GRID2: variants seen among roughly 807,000 people sequenced by gnomAD.
GRID2 encodes glutamate ionotropic receptor delta type subunit 2.
Under a neutral mutation model 114.8 loss-of-function variants are expected in GRID2, and 33 were observed. The ratio of observed to expected loss-of-function variants is 0.29; its 90% CI spans 0.22 to 0.38. The LOEUF is 0.38. GRID2 is among the 10% of genes least tolerant of loss of function. The probability of loss-of-function intolerance (pLI) is 1.00; values close to 1 mark genes in which losing one functional copy is unlikely to be tolerated. For synonymous variants in GRID2, 505 were observed against 449.9 expected (o/e 1.12, Z -1.55); for missense variants, 1,184 against 1,257.7 (o/e 0.94, Z 0.89).
At chr4:92,758,821 C>T (rs1376110004) in intron 2 of GRID2, among the ~76,000 whole-genome samples, 3 of 151,910 alleles carry the variant, frequency 2.0e-5, no homozygotes, top group African/African-American at 7.3e-5. Flanking sequence ...ACAGACTTAA[C>T]CTATTCTATA....
At chr4:92,826,012 G>C (rs548455119) in intron 2 of GRID2, among the ~76,000 whole-genome samples, 1 of 152,238 alleles carries the variant, frequency 6.6e-6, no homozygotes, top group African/African-American at 2.4e-5. Flanking sequence ...CAGCCAGAGT[G>C]ATCCTGTTAA....
chr4:93,259,524 CAAT>C (rs1305291952), intron 8 of GRID2, among the ~76,000 whole-genome samples: 1 of 151,578 alleles, frequency 6.6e-6, no homozygotes, highest in African/African-American at 2.4e-5. Context: ...TTTATACTGT[CAAT>C]AATTTAATAA....
intron 4 of GRID2, among the ~76,000 whole-genome samples, chr4:93,127,446 G>A (rs1560907676): frequency 6.6e-6 from 1 of 152,142 alleles, no homozygotes; most frequent in South Asian, 2.1e-4. Context: ...CTAATTGACA[G>A]CAAGAAATGA....
chr4:93,566,428 T>A (rs1735425168), intron 13 of GRID2, among the ~76,000 whole-genome samples: 1 of 152,092 alleles, frequency 6.6e-6, no homozygotes, highest in Admixed American at 6.6e-5. Flanking sequence ...TGTGTATATT[T>A]TGATTATGGT....
chr4:92,549,608 C>G (rs999028797), intron 1 of GRID2, among the ~76,000 whole-genome samples: 1 of 152,042 alleles, frequency 6.6e-6, no homozygotes, highest in Non-Finnish European at 1.5e-5. Context: ...TAGCCTGAGG[C>G]CTTTACAGAA....
intron 1 of GRID2, among the ~76,000 whole-genome samples, chr4:92,371,446 AC>A (rs1729111995): frequency 1.3e-5 from 2 of 152,142 alleles, no homozygotes; most frequent in South Asian, 4.1e-4. Flanking sequence ...ATGCTCATTC[AC>A]CATTCTGAAA....
intron 1 of GRID2, among the ~76,000 whole-genome samples, chr4:92,420,956 A>AT (rs1579330674): frequency 6.6e-6 from 1 of 152,190 alleles, no homozygotes; most frequent in East Asian, 1.9e-4. Flanking sequence ...AAGTTCTGGG[A>AT]TTATAGGCAT....
At chr4:92,609,890 G>T (rs895106877) in intron 2 of GRID2, among the ~76,000 whole-genome samples, 8 of 151,656 alleles carry the variant, frequency 5.3e-5, no homozygotes, top group African/African-American at 1.9e-4. Flanking sequence ...AAGAGAGCCA[G>T]TGTATCTGTT....
intron 2 of GRID2, among the ~76,000 whole-genome samples, chr4:92,977,393 A>T (rs373596887): frequency 1.3e-5 from 2 of 152,206 alleles, no homozygotes; most frequent in South Asian, 2.1e-4. Flanking sequence ...AAGAAAGAAC[A>T]TGGGGACTTC....
intron 13 of GRID2, among the ~76,000 whole-genome samples, chr4:93,538,950 A>G (rs1344454687): frequency 2.0e-5 from 3 of 151,828 alleles, no homozygotes; most frequent in Non-Finnish European, 4.4e-5. Context: ...TGTCCCATTG[A>G]TGGTTTCTCA....
intron 2 of GRID2, among the ~76,000 whole-genome samples, chr4:92,859,274 C>T (rs1454314869): frequency 1.3e-5 from 2 of 152,102 alleles, no homozygotes; most frequent in East Asian, 3.9e-4. Flanking sequence ...CAATTTATAG[C>T]AATAAAGAAT....
At chr4:92,924,837 C>T (rs1749678768) in intron 2 of GRID2, among the ~76,000 whole-genome samples, 1 of 152,086 alleles carries the variant, frequency 6.6e-6, no homozygotes, top group Non-Finnish European at 1.5e-5. Flanking sequence ...TGATTTATCA[C>T]AGCTCAGCAA....
chr4:92,485,930 T>C (rs1722865521), intron 1 of GRID2, among the ~76,000 whole-genome samples: 1 of 151,944 alleles, frequency 6.6e-6, no homozygotes, highest in Non-Finnish European at 1.5e-5. Flanking sequence ...GTAGAAATAA[T>C]GAGTATAGTG....
intron 2 of GRID2, among the ~76,000 whole-genome samples, chr4:92,591,602 A>G (rs555592827): frequency 6.6e-6 from 1 of 152,310 alleles, no homozygotes; most frequent in South Asian, 2.1e-4. Context: ...TAAGGAAAAT[A>G]AAAGTGTCTG....
intron 2 of GRID2, among the ~76,000 whole-genome samples, chr4:92,704,200 T>C (rs1015447786): frequency 1.1e-4 from 16 of 151,986 alleles, no homozygotes; most frequent in Non-Finnish European, 2.2e-4. Context: ...ATGGCATGAA[T>C]CCGGGAGGCG....
intron 10 of GRID2, among the ~76,000 whole-genome samples, chr4:93,454,424 T>A (rs1211654830): frequency 1.3e-5 from 2 of 152,052 alleles, no homozygotes; most frequent in South Asian, 2.1e-4. Flanking sequence ...TTACTTAAAC[T>A]TCTAAGGTTT....
chr4:93,465,792 G>T (rs1052628860), intron 11 of GRID2, among the ~76,000 whole-genome samples: 12 of 152,160 alleles, frequency 7.9e-5, no homozygotes. Flanking sequence ...AACTTGTTTA[G>T]CTAATGAAAA....
rs915710299 is a variant in GRID2 at position 92,571,037 on chromosome 4, G to A, written c.89-19094G>A. On this transcript the variant is annotated intron_variant, in intron 1 of 15. Coordinates refer to ENST00000282020, the MANE Select transcript of GRID2 (RefSeq NM_001510.4). ...CTTGTCTTGTGCCGGTTTTACAAGG[G>A]GAGTGCTTCCAGTTTTTGCCACTCA... Among the ~76,000 whole-genome samples the A allele has an allele frequency of 5.9e-5, 9 of 152,088 alleles. No homozygotes were observed. In the East Asian group the frequency reaches 1.2e-3, roughly 20 times the overall value.
chr4:92,367,807 A>G (rs2110212571), intron 1 of GRID2, among the ~76,000 whole-genome samples: 1 of 152,252 alleles, frequency 6.6e-6, no homozygotes. Flanking sequence ...TGTGTTAACT[A>G]CTAGCATCAT....
Sources: allele counts gnomAD v4.1 joint callset (sites outside exome capture counted in the v4.1 genomes callset), GRCh38; gene constraint gnomAD v4.1.1; transcripts MANE v1.5; gene names NCBI Gene and HGNC (gene_info 2026-07-23, HGNC 2026-07-21).